PCDHGB2: variants seen among roughly 807,000 people sequenced by gnomAD.
PCDHGB2 encodes the protein protocadherin gamma-B2.
A neutral mutation model predicts 59.3 loss-of-function variants in PCDHGB2; 55 were observed. The observed-to-expected ratio is 0.93, with a 90% CI of 0.75 to 1.16. The LOEUF is 1.16. PCDHGB2 is among the 50% of genes most tolerant of loss of function. PCDHGB2 has a pLI of 0.00. For missense variants in PCDHGB2, 1,228 were observed against 1,198.5 expected (o/e 1.02, Z -0.36); for synonymous variants, 516 against 512.0 (o/e 1.01, Z -0.11).
At chr5:141,395,109 A>G (rs1181706209) in intron 1 of PCDHGB2, 1 of 1,614,092 alleles carries the variant, frequency 6.2e-7, no homozygotes, top group Admixed American at 1.7e-5. Context: ...CTCGCGGAAG[A>G]GTCACCTGAT....
rs1312182657 is a variant in PCDHGB2 at position 141,406,777 on chromosome 5, CTT to C, written c.2421+44222_2421+44223del. Among the ~76,000 whole-genome samples the C allele has an allele frequency of 2.0e-5, 3 of 152,268 alleles. No individual in the cohort carries two copies. The East Asian group carries it at 5.8e-4, about 29-fold the overall frequency. On this transcript the variant is annotated intron_variant, in intron 1 of 3. Coordinates refer to ENST00000522605, the MANE Select transcript of PCDHGB2 (RefSeq NM_018923.3). ...CAAGGAATTAAAAATATTTCTCTCA[CTT>C]ATATATTATTTCTGGCTCAATTCTC...
At position 141,379,889 on chromosome 5, in the gene PCDHGB2, C is replaced by CTTTTTTTTTTTTTTT. The variant is rs70988800; in HGVS notation, c.2421+17349_2421+17363dup. On this transcript the variant is annotated intron_variant, in intron 1 of 3. Coordinates refer to ENST00000522605, the MANE Select transcript of PCDHGB2 (RefSeq NM_018923.3). ...CTTATTTTATGGTCTGTGAAAGCCT[C>CTTTTTTTTTTTTTTT]TTTTTTTTTTTTTTTTTTTTTTTTT... Among the ~76,000 whole-genome samples, 120 of 50,828 alleles carry CTTTTTTTTTTTTTTT rather than the reference C, an allele frequency of 2.4e-3. 21 individuals carry two copies. The highest frequency in any genetic ancestry group is 3.0e-3 in the Non-Finnish European group (77 of 25,882). 33.3% of individuals were successfully genotyped at this position (50,828 alleles called of 152,430 possible).
chr5:141,422,156 T>C, intron 1 of PCDHGB2: 2 of 1,573,504 alleles, frequency 1.3e-6, no homozygotes, highest in Non-Finnish European at 8.6e-7. Flanking sequence ...TCTCTGGATT[T>C]TGAAAAATAT....
At chr5:141,427,440 G>A (rs747459662) in intron 1 of PCDHGB2, 1 of 477,484 alleles carries the variant, frequency 2.1e-6, no homozygotes, top group South Asian at 1.5e-5. Flanking sequence ...CCTCATAAAC[G>A]AAAGAGTTCC....
At position 141,487,665 on chromosome 5, in the gene PCDHGB2, G is replaced by C. The variant is rs373971935; in HGVS notation, c.2422-7142G>C. 2.1e-5 allele frequency: 34 copies of C among 1,612,724 alleles called. No homozygotes were observed. In the South Asian group the frequency reaches 3.4e-4, roughly 16 times the overall value. ...ATGCTTGAGGGTTATTCTGATCCAG[G>C]CATATGGCTAGGCCATGTCCTAGAG... On this transcript the variant is annotated intron_variant, in intron 1 of 3. Transcript: ENST00000522605. The surrounding 1 kb of genome is among the most constrained non-coding windows in gnomAD (Gnocchi z 5.0).
In PCDHGB2 at chr5:141,361,401, C is replaced by T; in HGVS notation, c.1266C>T (p.Ile422=). ...AGATCCCAGAATACAATCTCACCAT[C>T]ACAGCCACCGACGGGGGCAAGCCGC... The part of the protein sequence containing the change: ...REEIPEYNLT[I]TATDGGKPPL... Residue 422 remains isoleucine, a synonymous_variant, in exon 1 of 4, where the codon ATC becomes ATT. Transcript: ENST00000522605. 5 of 1,614,008 alleles carry T rather than the reference C, an allele frequency of 3.1e-6. No homozygotes were observed. In the South Asian group the frequency reaches 4.4e-5, roughly 14 times the overall value.
intron 1 of PCDHGB2, chr5:141,371,039 G>T (rs1233349729): frequency 6.2e-6 from 10 of 1,613,966 alleles, no homozygotes; most frequent in Non-Finnish European, 8.5e-6. Flanking sequence ...TCACAGCTGT[G>T]GATGGGGGCG....
rs1221200737 is a variant in PCDHGB2, at chr5:141,364,170, T to G, written c.2421+1614T>G. 16 of 776,358 alleles carry G rather than the reference T, an allele frequency of 2.1e-5. No homozygotes were observed. The East Asian group carries it at 4.0e-4, about 19-fold the overall frequency. The allele number at this position is 776,358 out of a possible 1,614,324, so 48.1% of individuals were successfully genotyped here. A position where few individuals can be genotyped will look rare whatever the true frequency, so the allele number is the denominator to read the frequency against. The stretch of plus-strand genomic sequence containing the variant: ...GAAGCTGCCGCAGAGGCGACCCGAC[T>G]CTGCTCCCTCCATACTAAACACACA... On this transcript the variant is annotated intron_variant, in intron 1 of 3. Coordinates refer to ENST00000522605, the MANE Select transcript of PCDHGB2 (RefSeq NM_018923.3).
chr5:141,427,899 G>A, intron 1 of PCDHGB2: 1 of 1,571,372 alleles, frequency 6.4e-7, no homozygotes, highest in Non-Finnish European at 8.7e-7. Flanking sequence ...GGGCTCGCCC[G>A]CGCTCAGCGC....
In PCDHGB2 at chr5:141,512,501, G is replaced by A. The variant is rs1474842711; in HGVS notation, c.*1328G>A. The A allele has an allele frequency of 6.5e-6, 1 of 152,914 alleles. No homozygotes were observed. The highest frequency in any genetic ancestry group is 1.5e-5 in the Non-Finnish European group (1 of 68,258). The allele number at this position is 152,914 out of a possible 1,614,324, so 9.5% of individuals were successfully genotyped here. On this transcript the variant is annotated 3_prime_UTR_variant, in exon 4 of 4. Transcript: ENST00000522605. The stretch of plus-strand genomic sequence containing the variant: ...GAAGGCCACTGCCCAGGTCCCCAGT[G>A]CGCCCCCTAGTGGCCATAGCCTGGT...
Position 141,408,306 on chromosome 5 carries a change from A to C in PCDHGB2, c.2421+45750A>C, listed in dbSNP as rs866086431. On this transcript the variant is annotated intron_variant, in intron 1 of 3. Transcript: ENST00000522605. Reference sequence around the variant, plus strand: ...CCCACCCTGAGTGAGCCGATCCGCTACTCGATTCCGGAGGAGCTGGCCAAG... The same window carrying C: ...CCCACCCTGAGTGAGCCGATCCGCTCCTCGATTCCGGAGGAGCTGGCCAAG... The C allele has an allele frequency of 1.2e-6, 2 of 1,613,586 alleles. No homozygotes were observed. Among genetic ancestry groups the C allele is most frequent in the South Asian group, 1.1e-5 (1 of 91,062 alleles).
chr5:141,372,325 T>A (rs1459758319), intron 1 of PCDHGB2: 1 of 1,613,556 alleles, frequency 6.2e-7, no homozygotes. Flanking sequence ...CGCCTGCTGG[T>A]CACTGTGCGT....
At chr5:141,384,677 C>A in intron 1 of PCDHGB2, 3 of 1,614,188 alleles carry the variant, frequency 1.9e-6, no homozygotes, top group Non-Finnish European at 2.5e-6. Context: ...AAGGTGGTGG[C>A]GGTGGACAAA....
At chr5:141,419,674 C>A (rs372932653) in intron 1 of PCDHGB2, 1 of 1,612,938 alleles carries the variant, frequency 6.2e-7, no homozygotes, top group Non-Finnish European at 8.5e-7. Flanking sequence ...CCTGGCTGTC[C>A]TACCACGTGG....
chr5:141,450,838 T>A (rs2098698352), intron 1 of PCDHGB2, among the ~76,000 whole-genome samples: 1 of 149,278 alleles, frequency 6.7e-6, no homozygotes, highest in African/African-American at 2.5e-5. Flanking sequence ...TATTTTTTTT[T>A]TTTTGAGATG....
At chr5:141,453,451 T>C (rs1052905667) in intron 1 of PCDHGB2, among the ~76,000 whole-genome samples, 1 of 152,096 alleles carries the variant, frequency 6.6e-6, no homozygotes, top group Non-Finnish European at 1.5e-5. Flanking sequence ...TTTTTGAATA[T>C]GTAAAACATT....
chr5:141,360,747 G>T lies in PCDHGB2; in HGVS notation c.612G>T (p.Glu204Asp). 6.2e-7 allele frequency: 1 copy of T among 1,613,922 alleles called. No homozygotes were observed. Among genetic ancestry groups the T allele is most frequent in the South Asian group, 1.1e-5 (1 of 91,082 alleles). ...TAAAACACTCTCTGGACAGAGAAGA[G>T]CACAGTTTACATCAATTGGTCCTCA... ...LILKHSLDRE[E>D]HSLHQLVLTA... is the part of the protein sequence containing the mutation. The change falls in exon 1 of 4, where the codon GAG becomes GAT. Residue 204 changes from glutamate to aspartate, a missense_variant. Glu to Asp is a conservative substitution (Grantham distance 45). Coordinates refer to ENST00000522605, the MANE Select transcript of PCDHGB2 (RefSeq NM_018923.3).
chr5:141,449,854 T>C (rs769118919), intron 1 of PCDHGB2, among the ~76,000 whole-genome samples: 7 of 151,974 alleles, frequency 4.6e-5, no homozygotes, highest in South Asian at 4.1e-4. Context: ...ATTTTAATAA[T>C]AAAAATCAGA....
At chr5:141,496,080 C>G (rs2099765822) in intron 2 of PCDHGB2, among the ~76,000 whole-genome samples, 2 of 152,150 alleles carry the variant, frequency 1.3e-5, no homozygotes, top group East Asian at 1.9e-4. Context: ...ACACAACCCC[C>G]CACCCACCAC....
Sources: gnomAD v4.1 joint callset for allele counts (sites outside exome capture counted in the v4.1 genomes callset) on GRCh38, gnomAD v4.1.1 for gene constraint, Gnocchi (gnomAD v3.1) non-coding constraint, MANE v1.5 for transcripts, NCBI Gene and HGNC (gene_info 2026-07-23, HGNC 2026-07-21) for gene names.